Variants in PAK1 observed in about 807,000 individuals in gnomAD.
PAK1 encodes the protein p21 (RAC1) activated kinase 1.
A neutral mutation model predicts 67.4 loss-of-function variants in PAK1; 29 were observed. The ratio of observed to expected loss-of-function variants is 0.43; its 90% CI spans 0.32 to 0.59. The LOEUF (loss-of-function observed/expected upper bound fraction) is 0.59. Among genes scored for constraint, PAK1 ranks in the 20% least tolerant of loss-of-function variants. The pLI, the probability that PAK1 is intolerant of heterozygous loss-of-function variation, is 0.07. For missense variants in PAK1, 337 were observed against 670.7 expected (o/e 0.50, Z 5.50); for synonymous variants, 223 against 237.4 (o/e 0.94, Z 0.56).
At chr11:77,336,017 C>T (rs958384456) in intron 13 of PAK1, 69 bp downstream of exon 13, 71 of 1,016,038 alleles carry the variant, frequency 7.0e-5, no homozygotes, top group Non-Finnish European at 9.8e-5. Context: ...AGAGAACACC[C>T]TGGATTCTTA....
chr11:77,393,928 G>A (rs1324047184), intron 1 of PAK1, among the ~76,000 whole-genome samples: 1 of 152,128 alleles, frequency 6.6e-6, no homozygotes, highest in Non-Finnish European at 1.5e-5. Flanking sequence ...ACCTGAACAT[G>A]GGAGGCAAAG....
At chr11:77,326,829 C>G (rs1380471259) in intron 14 of PAK1, among the ~76,000 whole-genome samples, 1 of 152,092 alleles carries the variant, frequency 6.6e-6, no homozygotes, top group Non-Finnish European at 1.5e-5. Context: ...GATGATCAGA[C>G]TACTCTGAGC....
At chr11:77,494,550 C>T in the PAK1 span, among the ~76,000 whole-genome samples, 1 of 133,638 alleles carries the variant, frequency 7.5e-6, no homozygotes, top group Non-Finnish European at 1.6e-5. Context: ...CTAAAAGGAA[C>T]ATACAAAGAT....
intron 1 of PAK1, among the ~76,000 whole-genome samples, chr11:77,471,275 G>A (rs1051001271): frequency 2.6e-5 from 4 of 152,128 alleles, no homozygotes; most frequent in African/African-American, 9.7e-5. Context: ...GCAGGGTGCT[G>A]GTTTTTATTA....
At chr11:77,460,306 A>G (rs914800917) in intron 1 of PAK1, among the ~76,000 whole-genome samples, 9 of 147,894 alleles carry the variant, frequency 6.1e-5, no homozygotes, top group Admixed American at 1.4e-4. Flanking sequence ...ATCTGTGGCT[A>G]TAAGGTTTTT....
intron 7 of PAK1, among the ~76,000 whole-genome samples, chr11:77,354,440 A>G (rs752730454): frequency 1.2e-4 from 18 of 152,212 alleles, no homozygotes; most frequent in Non-Finnish European, 2.2e-4. Flanking sequence ...AATGAGAAAA[A>G]TGAGGTTTAG....
chr11:77,396,985 CAACA>C (rs1270480339), intron 1 of PAK1: 1 of 152,196 alleles, frequency 6.6e-6, no homozygotes, highest in Non-Finnish European at 1.5e-5. Context: ...AGGTCCAAAA[CAACA>C]AACATGCTCA....
intron 1 of PAK1, among the ~76,000 whole-genome samples, chr11:77,460,596 T>C (rs1404752332): frequency 6.6e-6 from 1 of 151,910 alleles, no homozygotes; most frequent in Non-Finnish European, 1.5e-5. Flanking sequence ...TTCCTTTAAG[T>C]AGAATGTTTG....
intron 10 of PAK1, among the ~76,000 whole-genome samples, chr11:77,342,888 T>TC (rs1300408935): frequency 6.6e-6 from 1 of 151,246 alleles, no homozygotes; most frequent in Non-Finnish European, 1.5e-5. Flanking sequence ...AGCTTAACTT[T>TC]TTTTTTTTTT....
chr11:77,489,832 C>G, the PAK1 span, among the ~76,000 whole-genome samples: 1 of 152,150 alleles, frequency 6.6e-6, no homozygotes, highest in African/African-American at 2.4e-5. Flanking sequence ...GCCTTGGCCT[C>G]CCAAAGTGCC....
chr11:77,514,987 A>C, the PAK1 span: 4 of 152,362 alleles, frequency 2.6e-5, no homozygotes, highest in African/African-American at 9.6e-5. Context: ...TGAAGGAGGA[A>C]AATATGAGAA....
At chr11:77,397,924 T>C (rs931723262) in intron 1 of PAK1, among the ~76,000 whole-genome samples, 1 of 152,190 alleles carries the variant, frequency 6.6e-6, no homozygotes, top group African/African-American at 2.4e-5. Context: ...TTTAAACTGA[T>C]AGAAATTTTA....
chr11:77,379,082 C>T, intron 4 of PAK1, 159 bp downstream of exon 4: 1 of 626,818 alleles, frequency 1.6e-6, no homozygotes, highest in East Asian at 2.7e-5. Context: ...ATGCAAAGTC[C>T]ATCATCTTGG....
intron 1 of PAK1, among the ~76,000 whole-genome samples, chr11:77,406,544 G>T (rs570718135): frequency 6.6e-6 from 1 of 152,316 alleles, no homozygotes; most frequent in South Asian, 2.1e-4. Context: ...TGGGGAGGCT[G>T]AGGTGGGTGG....
At chr11:77,343,770 A>G in intron 10 of PAK1, 49 bp downstream of exon 10, 3 of 1,080,994 alleles carry the variant, frequency 2.8e-6, no homozygotes, top group Non-Finnish European at 4.3e-6. Context: ...CTTCACCACC[A>G]ATCAGTCCCA....
intron 11 of PAK1, among the ~76,000 whole-genome samples, chr11:77,338,152 ATTC>A (rs1565586042): frequency 6.6e-6 from 1 of 152,176 alleles, no homozygotes; most frequent in Non-Finnish European, 1.5e-5. Flanking sequence ...TGACTATATA[ATTC>A]TGGACTTCCA....
At chr11:77,397,167 CA>C (rs1192342666) in intron 1 of PAK1, 1 of 152,224 alleles carries the variant, frequency 6.6e-6, no homozygotes, top group African/African-American at 2.4e-5. Flanking sequence ...TCCTGGACAA[CA>C]AATGAATACA....
the PAK1 span, among the ~76,000 whole-genome samples, chr11:77,529,344 T>C: frequency 6.6e-6 from 1 of 152,256 alleles, no homozygotes; most frequent in South Asian, 2.1e-4. Flanking sequence ...AAATAATTCA[T>C]AAAAAGGAAG....
At chr11:77,332,953 C>G in intron 13 of PAK1, 86 bp from the exon 14 acceptor site, 1 of 1,227,596 alleles carries the variant, frequency 8.1e-7, no homozygotes, top group South Asian at 1.3e-5. Flanking sequence ...ATATGGTCAG[C>G]TGCTTTATGC....
Sources: gnomAD v4.1 joint callset for allele counts (sites outside exome capture counted in the v4.1 genomes callset) on GRCh38, gnomAD v4.1.1 for gene constraint, MANE v1.5 for transcripts, NCBI Gene and HGNC (gene_info 2026-07-23, HGNC 2026-07-21) for gene names.